PALM: variants seen among roughly 807,000 people sequenced by gnomAD.
PALM encodes the protein paralemmin-1.
PALM carries 18 observed loss-of-function variants against 30.7 expected under a neutral mutation model. That is an observed-to-expected ratio of 0.59 (90% CI 0.41 to 0.87). The LOEUF is 0.87. Ranked by LOEUF, PALM falls within the 40% of genes least tolerant of loss-of-function variation. PALM has a pLI of 0.00. For missense variants in PALM, 529 were observed against 555.4 expected, an observed-to-expected ratio of 0.95 and a Z score of 0.48; for synonymous variants, 286 against 242.8, an observed-to-expected ratio of 1.18 and a Z score of -1.66.
intron 7 of PALM, among the ~76,000 whole-genome samples, chr19:739,916 TCACA>T: frequency 6.6e-6 from 1 of 152,030 alleles, no homozygotes; most frequent in Non-Finnish European, 1.5e-5. Flanking sequence ...TGAGTCCAGA[TCACA>T]CCACTGTGCT....
chr19:709,040 CG>C lies in PALM; in HGVS notation c.-106del, dbSNP rs985190196. 5.9e-6 allele frequency: 1 copy of C among 170,108 alleles called. No homozygotes were observed. Among genetic ancestry groups the C allele is most frequent in the African/African-American group, 2.4e-5 (1 of 41,206 alleles). 10.5% of individuals were successfully genotyped at this position (170,108 alleles called of 1,614,324 possible). On this transcript the variant is annotated 5_prime_UTR_variant, in exon 1 of 9. Coordinates refer to ENST00000338448, the MANE Select transcript of PALM (RefSeq NM_002579.3). This position sits in a 1 kb window ranked among gnomAD's most constrained non-coding sequence, Gnocchi z 4.3. The stretch of plus-strand genomic sequence containing the variant: ...CAGCCCCGGCCGCCAGGCCTTAGCC[CG>C]CCCCGGCCCCCGCCAGGCCGCGTCC...
chr19:727,950 T>G, intron 4 of PALM: 5 of 432,532 alleles, frequency 1.2e-5, no homozygotes, highest in South Asian at 3.5e-5. Context: ...CCCCTTTCCC[T>G]TCCCACCGCC....
intron 1 of PALM, among the ~76,000 whole-genome samples, chr19:714,806 C>T (rs1288115725): frequency 6.6e-6 from 1 of 152,122 alleles, no homozygotes; most frequent in East Asian, 1.9e-4. Flanking sequence ...ACCACCACAC[C>T]CTGCTAATTA....
chr19:731,046 C>T (rs1455715237), intron 4 of PALM, 49 bp from the exon 5 acceptor site: 4 of 1,310,274 alleles, frequency 3.1e-6, no homozygotes, highest in African/African-American at 3.0e-5. Flanking sequence ...GTGCCCAGAG[C>T]CCCACCGGGG....
chr19:746,737 G>A lies in PALM; in HGVS notation c.1087G>A (p.Gly363Arg), dbSNP rs2033357748. 6.2e-7 allele frequency: 1 copy of A among 1,602,060 alleles called. No homozygotes were observed. Residue 363 changes from glycine to arginine, a missense_variant, in exon 9 of 9, where the codon GGG (glycine) becomes AGG (arginine). Coordinates refer to ENST00000338448, the MANE Select transcript of PALM (RefSeq NM_002579.3). The surrounding 1 kb of genome is among the most constrained non-coding windows in gnomAD (Gnocchi z 7.1). Reference protein sequence around the residue: ...EAASREENQAGPEATTSDPQD... With the variant: ...EAASREENQARPEATTSDPQD... ...CGCCTCCAGGGAAGAGAATCAGGCG[G>A]GGCCCGAGGCCACCACCAGCGACCC...
In PALM at chr19:746,862, C is replaced by G; in HGVS notation, c.*48C>G. The G allele has an allele frequency of 1.7e-6, 2 of 1,206,482 alleles. No individual in the cohort carries two copies. Among genetic ancestry groups the G allele is most frequent in the Non-Finnish European group, 2.3e-6 (2 of 879,666 alleles). 74.7% of individuals were successfully genotyped at this position (1,206,482 alleles called of 1,614,324 possible). A position where few individuals can be genotyped will look rare whatever the true frequency, so the allele number is the denominator to read the frequency against. On this transcript the variant is annotated 3_prime_UTR_variant, in exon 9 of 9. Transcript: ENST00000338448. The surrounding 1 kb of genome is among the most constrained non-coding windows in gnomAD (Gnocchi z 7.1). ...CCCACCCCACACCACAGACACCCACCAGCCCGGCCCCTCCCGGCGCCTGCC... is the reference window on the plus strand; with the variant it reads ...CCCACCCCACACCACAGACACCCACGAGCCCGGCCCCTCCCGGCGCCTGCC...
intron 1 of PALM, among the ~76,000 whole-genome samples, chr19:724,257 T>G (rs72980213): frequency 2.0e-5 from 3 of 152,184 alleles, no homozygotes; most frequent in African/African-American, 4.8e-5. Flanking sequence ...GCCCTGTATC[T>G]TTGAAGCCTG....
At chr19:711,247 A>T in intron 1 of PALM, 1 of 928,884 alleles carries the variant, frequency 1.1e-6, no homozygotes, top group East Asian at 1.2e-4. Flanking sequence ...TGCTTCGGAG[A>T]GAATCTCTGT....
chr19:712,856 A>C (rs2032129530), intron 1 of PALM, among the ~76,000 whole-genome samples: 1 of 152,022 alleles, frequency 6.6e-6, no homozygotes, highest in African/African-American at 2.4e-5. Context: ...TTGTATTTTT[A>C]GTAGAGACAA....
chr19:728,360 G>A (rs1428057463), intron 4 of PALM, among the ~76,000 whole-genome samples: 1 of 152,224 alleles, frequency 6.6e-6, no homozygotes, highest in African/African-American at 2.4e-5. Flanking sequence ...CCAGAGGCGG[G>A]AGGCCGGCCG....
chr19:732,312 G>A (rs1261943364), intron 5 of PALM, among the ~76,000 whole-genome samples: 1 of 152,220 alleles, frequency 6.6e-6, no homozygotes, highest in Non-Finnish European at 1.5e-5. Flanking sequence ...CAGAGGCAGA[G>A]AGGCTGGCTC....
intron 8 of PALM, 147 bp downstream of exon 8, chr19:740,630 C>CAGGGGGTGAG: frequency 1.4e-6 from 1 of 739,046 alleles, no homozygotes; most frequent in Non-Finnish European, 2.1e-6. Context: ...CAGGGCCTCA[C>CAGGGGGTGAG]CCCCTGTGGC....
intron 4 of PALM, 38 bp downstream of exon 4, chr19:727,732 G>C: frequency 6.7e-7 from 1 of 1,503,218 alleles, no homozygotes; most frequent in Non-Finnish European, 8.9e-7. Context: ...GGCTGGGTGG[G>C]GCCTCGGGGG....
At chr19:740,316 G>T (rs750845367) in intron 7 of PALM, 36 bp from the exon 8 acceptor site, 17 of 1,523,944 alleles carry the variant, frequency 1.1e-5, no homozygotes, top group Middle Eastern at 3.4e-4. Flanking sequence ...GCGGGGGCGG[G>T]CAGGCCGTGG....
intron 6 of PALM, 98 bp from the exon 7 acceptor site, chr19:735,921 C>A: frequency 2.0e-6 from 2 of 982,326 alleles, no homozygotes; most frequent in Non-Finnish European, 3.1e-6. Context: ...TGTGGGAGTC[C>A]GGATGCACTT....
rs1158034333 is a variant in PALM at position 726,166 on chromosome 19, C to G, written c.34C>G (p.Gln12Glu). Residue 12 changes from glutamine to glutamate, a missense_variant, in exon 2 of 9, where the codon CAG becomes GAG. By Grantham distance (29) the Gln-to-Glu change is conservative. Coordinates refer to ENST00000338448, the MANE Select transcript of PALM (RefSeq NM_002579.3). ...EVLAAETTSQ[Q>E]ERLQAIAEKR... ...CCTGGCGGCAGAGACCACGTCCCAGCAGGAGCGGCTGCAGGCCATCGCAGT... is the reference window on the plus strand; with the variant it reads ...CCTGGCGGCAGAGACCACGTCCCAGGAGGAGCGGCTGCAGGCCATCGCAGT... 1 of 1,613,196 alleles carries G rather than the reference C, an allele frequency of 6.2e-7. No individual in the cohort carries two copies. The highest frequency in any genetic ancestry group is 1.3e-5 in the African/African-American group (1 of 74,946).
At chr19:718,344 A>T (rs923738010) in intron 1 of PALM, among the ~76,000 whole-genome samples, 1 of 152,180 alleles carries the variant, frequency 6.6e-6, no homozygotes, top group African/African-American at 2.4e-5. Flanking sequence ...ACCGTGCACC[A>T]GGCAGCAATG....
intron 8 of PALM, among the ~76,000 whole-genome samples, chr19:741,658 C>T (rs529372200): frequency 6.6e-6 from 1 of 151,946 alleles, no homozygotes; most frequent in East Asian, 1.9e-4. Context: ...GGGGGACAGG[C>T]GGGGCCGTGT....
At chr19:713,916 T>TTCTTTC (rs1352035312) in intron 1 of PALM, among the ~76,000 whole-genome samples, 1 of 147,378 alleles carries the variant, frequency 6.8e-6, no homozygotes, top group Non-Finnish European at 1.5e-5. Context: ...TTCTTTTTTT[T>TTCTTTC]TTTTTTGAGA....
Sources: allele counts gnomAD v4.1 joint callset (sites outside exome capture counted in the v4.1 genomes callset), GRCh38; gene constraint gnomAD v4.1.1; non-coding constraint Gnocchi (gnomAD v3.1); transcripts MANE v1.5; gene names NCBI Gene and HGNC (gene_info 2026-07-23, HGNC 2026-07-21).